Variants in PMFBP1 observed in about 807,000 individuals in gnomAD.
The protein encoded by PMFBP1 is polyamine modulated factor 1 binding protein 1.
PMFBP1 carries 131 observed loss-of-function variants against 137.8 expected under a neutral mutation model. The observed-to-expected ratio is 0.95, with a 90% CI of 0.82 to 1.10. PMFBP1 has a LOEUF of 1.10. Ranked by LOEUF, PMFBP1 falls within the 50% of genes least tolerant of loss-of-function variation. The pLI, the probability that PMFBP1 is intolerant of heterozygous loss-of-function variation, is 0.00. For missense variants in PMFBP1, 1,199 were observed against 1,175.4 expected (o/e 1.02, Z -0.29); for synonymous variants, 490 against 450.4 (o/e 1.09, Z -1.11).
At position 72,123,548 on chromosome 16, in the gene PMFBP1, C is replaced by G. The variant is rs2042408349; in HGVS notation, c.2691G>C (p.Gln897His). 3 of 1,613,824 alleles carry G rather than the reference C, an allele frequency of 1.9e-6. No homozygotes were observed. The highest frequency in any genetic ancestry group is 1.3e-5 in the African/African-American group (1 of 74,940). ...TCCCTTTTTCCTCCCATACTCACTT[C>G]TGCTGTTTTGCCCATTGCTCCAAGT... is the stretch of plus-strand genomic sequence containing the variant. The part of the protein sequence containing the change: ...MTNLEQWAKQ[Q>H]KVANEKLGNQ... Residue 897 changes from glutamine to histidine, a missense_variant and splice_region_variant, in exon 18 of 21, where the codon CAG (glutamine) becomes CAC (histidine). By Grantham distance (24) the Gln-to-His change is conservative. Coordinates refer to ENST00000237353, the MANE Select transcript of PMFBP1 (RefSeq NM_031293.3).
chr16:72,227,747 C>T, the PMFBP1 span, among the ~76,000 whole-genome samples: 2 of 152,130 alleles, frequency 1.3e-5, no homozygotes, highest in Admixed American at 1.3e-4. Context: ...GCTACTAATC[C>T]TCATTAAGCC....
At chr16:72,200,047 G>C in the PMFBP1 span, among the ~76,000 whole-genome samples, 1 of 152,258 alleles carries the variant, frequency 6.6e-6, no homozygotes, top group Non-Finnish European at 1.5e-5. Context: ...TGGATCTGGA[G>C]GGAGAAAACT....
the PMFBP1 span, among the ~76,000 whole-genome samples, chr16:72,209,072 C>G: frequency 6.6e-6 from 1 of 152,202 alleles, no homozygotes; most frequent in African/African-American, 2.4e-5. Context: ...AGACAGATCC[C>G]ACATAGCCAG....
At chr16:72,173,665 A>C (rs1306750563), upstream of PMFBP1, among the ~76,000 whole-genome samples, 1 of 152,232 alleles carries the variant, frequency 6.6e-6, no homozygotes, top group Non-Finnish European at 1.5e-5. Context: ...GAAGTGTTAT[A>C]TGATAAGTTT....
chr16:72,123,652 T>C lies in PMFBP1; in HGVS notation c.2590-3A>G. 1 of 1,612,930 alleles carries C rather than the reference T, an allele frequency of 6.2e-7. No individual in the cohort carries two copies. Among genetic ancestry groups the C allele is most frequent in the Non-Finnish European group, 8.5e-7 (1 of 1,179,230 alleles). On this transcript the variant is annotated splice_polypyrimidine_tract_variant and splice_region_variant and intron_variant, in intron 17 of 20. Coordinates refer to ENST00000237353, the MANE Select transcript of PMFBP1 (RefSeq NM_031293.3). Reference sequence around the variant, plus strand: ...GACCACTGGGGCAGGCAGCAGGGCTTGGGTACAAGAAGAAAACGAGACAGT... The same window carrying C: ...GACCACTGGGGCAGGCAGCAGGGCTCGGGTACAAGAAGAAAACGAGACAGT...
intron 3 of PMFBP1, among the ~76,000 whole-genome samples, chr16:72,157,837 A>G (rs911204916): frequency 2.0e-5 from 3 of 152,130 alleles, no homozygotes; most frequent in Non-Finnish European, 2.9e-5. Flanking sequence ...GTAGCAATGG[A>G]GGGCGGGAGA....
intron 15 of PMFBP1, 48 bp downstream of exon 15, chr16:72,125,920 G>C: frequency 5.6e-6 from 9 of 1,593,194 alleles, no homozygotes; most frequent in Non-Finnish European, 7.7e-6. Context: ...CTACCTTGAC[G>C]TTTCCTTGCC....
At chr16:72,200,451 T>C in the PMFBP1 span, among the ~76,000 whole-genome samples, 3 of 152,240 alleles carry the variant, frequency 2.0e-5, no homozygotes, top group African/African-American at 7.2e-5. Context: ...GGACATCTAA[T>C]CTGCAGTGAA....
the PMFBP1 span, among the ~76,000 whole-genome samples, chr16:72,185,765 GA>G: frequency 6.6e-6 from 1 of 152,160 alleles, no homozygotes; most frequent in Non-Finnish European, 1.5e-5. Context: ...AATATTTACT[GA>G]AAGAATGAAG....
At chr16:72,208,004 T>C in the PMFBP1 span, among the ~76,000 whole-genome samples, 1 of 152,180 alleles carries the variant, frequency 6.6e-6, no homozygotes, top group African/African-American at 2.4e-5. Context: ...CCAGCTCAGA[T>C]AGCCAGGCAG....
the PMFBP1 span, among the ~76,000 whole-genome samples, chr16:72,246,548 C>A: frequency 5.3e-5 from 8 of 151,936 alleles, no homozygotes; most frequent in African/African-American, 1.9e-4. Flanking sequence ...GAGGTGACAA[C>A]TTCCCCAGTC....
intron 16 of PMFBP1, 87 bp from the exon 17 acceptor site, chr16:72,125,021 C>A (rs3812987): frequency 0.26 from 384,777 of 1,507,562 alleles, 51,569 homozygotes; most frequent in South Asian, 0.39. Flanking sequence ...CTTCCTGGGC[C>A]TTGGGATACG....
chr16:72,135,740 GTTTTTTT>G (rs869189990), intron 9 of PMFBP1, among the ~76,000 whole-genome samples: 1 of 66,816 alleles, frequency 1.5e-5, no homozygotes, highest in East Asian at 5.0e-4. Context: ...TAATTTTTCT[GTTTTTTT>G]TTTTTTTTTT....
upstream of PMFBP1, chr16:72,176,960 T>G (rs1056502632): frequency 6.6e-6 from 1 of 152,234 alleles, no homozygotes; most frequent in Non-Finnish European, 1.5e-5. Flanking sequence ...GGTTTTCTCT[T>G]GAGATGTCAG....
chr16:72,184,056 T>C, the PMFBP1 span, among the ~76,000 whole-genome samples: 1 of 152,134 alleles, frequency 6.6e-6, no homozygotes, highest in Non-Finnish European at 1.5e-5. Context: ...ATGCTTTCTG[T>C]CCTTGGTTTC....
chr16:72,231,086 T>C, the PMFBP1 span, among the ~76,000 whole-genome samples: 3 of 152,118 alleles, frequency 2.0e-5, no homozygotes, highest in Admixed American at 2.0e-4. Context: ...ATAATACTCA[T>C]GGAGAACCGA....
chr16:72,190,509 T>C, the PMFBP1 span, among the ~76,000 whole-genome samples: 1 of 151,452 alleles, frequency 6.6e-6, no homozygotes, highest in African/African-American at 2.4e-5. Context: ...GAAGAGAGAG[T>C]GCTGTGAATG....
At chr16:72,236,941 T>C in the PMFBP1 span, among the ~76,000 whole-genome samples, 1 of 152,202 alleles carries the variant, frequency 6.6e-6, no homozygotes, top group Admixed American at 6.6e-5. Flanking sequence ...CCCCCTTTTA[T>C]ATGCAAAATA....
intron 3 of PMFBP1, among the ~76,000 whole-genome samples, chr16:72,164,175 G>A (rs1167636075): frequency 3.3e-5 from 5 of 152,190 alleles, no homozygotes; most frequent in Non-Finnish European, 7.3e-5. Context: ...CTCTGATTAG[G>A]GAGAAAGGAA....
Sources: allele counts gnomAD v4.1 joint callset (sites outside exome capture counted in the v4.1 genomes callset), GRCh38; gene constraint gnomAD v4.1.1; transcripts MANE v1.5; gene names NCBI Gene and HGNC (gene_info 2026-07-23, HGNC 2026-07-21).